MTA3: variants seen among roughly 807,000 people sequenced by gnomAD.
MTA3 encodes metastasis associated 1 family member 3, also known as metastasis-associated protein MTA3.
In MTA3, 34 loss-of-function variants were observed where a neutral mutation model predicts 83.5. The observed-to-expected ratio is 0.41, with a 90% CI of 0.31 to 0.54. The LOEUF is 0.54. Ranked by LOEUF, MTA3 falls within the 20% of genes least tolerant of loss-of-function variation. The pLI is 0.33. For synonymous variants in MTA3, 303 were observed against 252.7 expected, an observed-to-expected ratio of 1.20 and a Z score of -1.89; for missense variants, 761 against 726.4, an observed-to-expected ratio of 1.05 and a Z score of -0.55.
chr2:42,605,245 CG>C (rs1286904793), intron 3 of MTA3, among the ~76,000 whole-genome samples: 1 of 102,888 alleles, frequency 9.7e-6, no homozygotes, highest in East Asian at 2.9e-4. Context: ...CCGGACGGGG[CG>C]GCTGGCCGGG....
At chr2:42,639,964 T>C (rs1687557459) in intron 4 of MTA3, among the ~76,000 whole-genome samples, 2 of 152,184 alleles carry the variant, frequency 1.3e-5, no homozygotes. Context: ...CAGGCTAGCC[T>C]CTCAAGAAAT....
At chr2:42,656,343 T>C in intron 7 of MTA3, 41 bp downstream of exon 7, 1 of 1,302,674 alleles carries the variant, frequency 7.7e-7, no homozygotes, top group Non-Finnish European at 1.1e-6. Flanking sequence ...TAAATTTCTT[T>C]ATATAAAAGA....
intron 6 of MTA3, 28 bp downstream of exon 6, chr2:42,644,272 T>C (rs568642513): frequency 1.3e-5 from 20 of 1,482,840 alleles, no homozygotes; most frequent in Non-Finnish European, 1.8e-5. Flanking sequence ...TTTGCAGTTT[T>C]GTGAAACAAA....
chr2:42,622,908 G>A (rs1685720621), intron 4 of MTA3, among the ~76,000 whole-genome samples: 1 of 152,146 alleles, frequency 6.6e-6, no homozygotes, highest in South Asian at 2.1e-4. Flanking sequence ...GAAGACACTT[G>A]TAAAGTTAGA....
intron 2 of MTA3, among the ~76,000 whole-genome samples, chr2:42,514,200 G>T (rs554527483): frequency 6.6e-6 from 1 of 152,086 alleles, no homozygotes; most frequent in South Asian, 2.1e-4. Flanking sequence ...GCGACGGAAT[G>T]AGACTCCGTC....
upstream of MTA3, chr2:42,494,425 G>A (rs929551421): frequency 6.6e-6 from 1 of 152,338 alleles, no homozygotes; most frequent in African/African-American, 2.4e-5. Flanking sequence ...CCGGAGCCCA[G>A]CTCGGGTTCT....
At position 42,601,143 on chromosome 2, in the gene MTA3, G is replaced by A. The variant is rs185956702; in HGVS notation, c.191-8315G>A. ...GATGGTCTCCATCTCTTGATCTCAC[G>A]ATCTACCCGCCTTGGCCTCCCAAAG... On this transcript the variant is annotated intron_variant, in intron 3 of 16. Coordinates refer to ENST00000405094, the MANE Select transcript of MTA3 (RefSeq NM_001330442.2). Among the ~76,000 whole-genome samples the A allele has an allele frequency of 7.9e-5, 12 of 152,258 alleles. No homozygotes were observed. The East Asian group carries it at 1.5e-3, about 20-fold the overall frequency.
intron 2 of MTA3, among the ~76,000 whole-genome samples, chr2:42,545,243 T>A (rs1676705637): frequency 6.6e-6 from 1 of 152,124 alleles, no homozygotes; most frequent in African/African-American, 2.4e-5. Context: ...CTGGGTATGG[T>A]GGCACACGCC....
chr2:42,543,092 A>T (rs556742300), intron 2 of MTA3, among the ~76,000 whole-genome samples: 1 of 152,106 alleles, frequency 6.6e-6, no homozygotes, highest in Non-Finnish European at 1.5e-5. Context: ...CTGTATTCTC[A>T]TGCTGATTCC....
chr2:42,599,837 G>C (rs1682331277), intron 3 of MTA3, among the ~76,000 whole-genome samples: 1 of 152,006 alleles, frequency 6.6e-6, no homozygotes, highest in Admixed American at 6.6e-5. Context: ...TTGTTTAGGT[G>C]GTTTTCAGAC....
chr2:42,567,115 C>T (rs559815722), upstream of MTA3, among the ~76,000 whole-genome samples: 1 of 152,206 alleles, frequency 6.6e-6, no homozygotes, highest in Admixed American at 6.5e-5. Flanking sequence ...AGCAGAGAAC[C>T]CTTGGGAATC....
chr2:42,541,883 A>G (rs10195236), intron 2 of MTA3, among the ~76,000 whole-genome samples: 53,354 of 151,936 alleles, frequency 0.35, 9,433 homozygotes, highest in South Asian at 0.41. Flanking sequence ...GCTACTGTCA[A>G]TTAGAGAGGG....
chr2:42,735,974 C>G (rs1668581724), intron 16 of MTA3, among the ~76,000 whole-genome samples: 2 of 152,266 alleles, frequency 1.3e-5, no homozygotes, highest in Admixed American at 1.3e-4. Context: ...GTCATGTTTT[C>G]ATGGATGGTC....
chr2:42,524,304 A>T (rs191470550), intron 2 of MTA3, among the ~76,000 whole-genome samples: 8,396 of 144,354 alleles, frequency 0.058, 261 homozygotes, highest in Middle Eastern at 0.093. Flanking sequence ...CATTATTATT[A>T]TTTTTTTTTT....
At chr2:42,622,810 G>A (rs1285877838) in intron 4 of MTA3, among the ~76,000 whole-genome samples, 3 of 152,086 alleles carry the variant, frequency 2.0e-5, no homozygotes, top group Non-Finnish European at 4.4e-5. Context: ...AGAGAATCTT[G>A]AGAACAAAAG....
intron 12 of MTA3, among the ~76,000 whole-genome samples, chr2:42,706,656 C>G (rs1666112165): frequency 6.6e-6 from 1 of 152,184 alleles, no homozygotes; most frequent in South Asian, 2.1e-4. Context: ...ATGTCTCAAC[C>G]TCAATGTTTT....
intron 16 of MTA3, among the ~76,000 whole-genome samples, chr2:42,749,501 T>G (rs1669701769): frequency 6.6e-6 from 1 of 152,208 alleles, no homozygotes; most frequent in Non-Finnish European, 1.5e-5. Flanking sequence ...AGAGTCTTGC[T>G]CTGTCACCCG....
intron 3 of MTA3, among the ~76,000 whole-genome samples, chr2:42,588,601 T>G (rs1022381148): frequency 6.6e-6 from 1 of 152,188 alleles, no homozygotes; most frequent in Non-Finnish European, 1.5e-5. Context: ...ATTAGGGCCC[T>G]TTGCATTCTC....
chr2:42,576,919 C>T (rs1679101003), intron 2 of MTA3, among the ~76,000 whole-genome samples: 1 of 150,234 alleles, frequency 6.7e-6, no homozygotes, highest in South Asian at 2.1e-4. Flanking sequence ...AAAACCAAAA[C>T]AAAACCACCT....
Sources: gnomAD v4.1 joint callset for allele counts (sites outside exome capture counted in the v4.1 genomes callset) on GRCh38, gnomAD v4.1.1 for gene constraint, MANE v1.5 for transcripts, NCBI Gene and HGNC (gene_info 2026-07-23, HGNC 2026-07-21) for gene names.